The following CUL3 variants were observed in gnomAD, a reference collection of about 807,000 sequenced individuals.
CUL3 encodes cullin-3.
Under a neutral mutation model 89.1 loss-of-function variants are expected in CUL3, and 19 were observed. The ratio of observed to expected loss-of-function variants is 0.21; its 90% CI spans 0.15 to 0.31. The LOEUF (loss-of-function observed/expected upper bound fraction) is 0.31, where lower values mean the gene tolerates loss of function less well. Among genes scored for constraint, CUL3 ranks in the 10% least tolerant of loss-of-function variants. The pLI is 1.00. For missense variants in CUL3, 469 were observed against 942.3 expected, an observed-to-expected ratio of 0.50 and a Z score of 6.58; for synonymous variants, 351 against 308.4, an observed-to-expected ratio of 1.14 and a Z score of -1.45.
chr2:224,526,585 CAAAAAAAAAAAAAAAAAA>C (rs1166152595), intron 3 of CUL3, among the ~76,000 whole-genome samples: 27 of 26,170 alleles, frequency 1.0e-3, no homozygotes, highest in African/African-American at 2.3e-3. Flanking sequence ...GACTCCGTCT[CAAAAAAAAAAAAAAAAAA>C]AAAAAAAAGA....
At chr2:224,578,830 C>T (rs1341965803) in intron 1 of CUL3, among the ~76,000 whole-genome samples, 1 of 152,048 alleles carries the variant, frequency 6.6e-6, no homozygotes, top group Non-Finnish European at 1.5e-5. Flanking sequence ...ACAAAAAATT[C>T]CCTTTAAAGT....
Position 224,473,609 on chromosome 2 carries a change from C to T in CUL3, c.*636G>A, listed in dbSNP as rs1299420994. Reference sequence around the variant, plus strand: ...TAATTTGGGAAATCTCAAATTACAACAGGGAGAAACCAAATCAGGATGTGT... The same window carrying T: ...TAATTTGGGAAATCTCAAATTACAATAGGGAGAAACCAAATCAGGATGTGT... On this transcript the variant is annotated 3_prime_UTR_variant, in exon 16 of 16. Transcript: ENST00000264414. 5.4e-6 allele frequency: 1 copy of T among 186,044 alleles called. No homozygotes were observed. Among genetic ancestry groups the T allele is most frequent in the Non-Finnish European group, 1.1e-5 (1 of 87,826 alleles). 11.5% of individuals were successfully genotyped at this position (186,044 alleles called of 1,614,324 possible).
intron 13 of CUL3, among the ~76,000 whole-genome samples, chr2:224,482,857 C>T (rs16866004): frequency 0.053 from 8,011 of 152,182 alleles, 590 homozygotes; most frequent in East Asian, 0.16. Context: ...AAAGTCTTGA[C>T]ACTAGGATTT....
chr2:224,492,329 T>A (rs1026428803), intron 13 of CUL3, among the ~76,000 whole-genome samples: 8 of 152,180 alleles, frequency 5.3e-5, no homozygotes, highest in African/African-American at 1.4e-4. Context: ...TCATTTTCCT[T>A]TCTATATTGT....
chr2:224,517,770 GAAGT>G (rs1693116997), intron 3 of CUL3, among the ~76,000 whole-genome samples: 1 of 152,118 alleles, frequency 6.6e-6, no homozygotes, highest in Non-Finnish European at 1.5e-5. Flanking sequence ...AGGCATTTGT[GAAGT>G]AATCTGAATG....
chr2:224,521,399 C>T (rs1693254813), intron 3 of CUL3, among the ~76,000 whole-genome samples: 1 of 151,340 alleles, frequency 6.6e-6, no homozygotes, highest in Non-Finnish European at 1.5e-5. Context: ...CTTTTAATAA[C>T]ATGTTTGCTT....
intron 2 of CUL3, among the ~76,000 whole-genome samples, chr2:224,546,981 C>A (rs1301966698): frequency 1.3e-5 from 2 of 152,110 alleles, no homozygotes; most frequent in African/African-American, 4.8e-5. Context: ...AGTTTTCACA[C>A]CTAGCTCACA....
intron 2 of CUL3, among the ~76,000 whole-genome samples, chr2:224,539,404 G>A (rs917397901): frequency 2.0e-5 from 3 of 152,148 alleles, no homozygotes; most frequent in African/African-American, 4.8e-5. Context: ...AGTTTCTAAC[G>A]AAACCAGACA....
In CUL3 at chr2:224,529,643, A is replaced by G. The variant is rs150050991; in HGVS notation, c.378+5885T>C. Among the ~76,000 whole-genome samples, 86 of 152,150 alleles carry G rather than the reference A, an allele frequency of 5.7e-4. 1 individual carries two copies. The highest frequency in any genetic ancestry group is 2.0e-3 in the African/African-American group (82 of 41,516). On this transcript the variant is annotated intron_variant, in intron 3 of 15. Transcript: ENST00000264414. ...AAAAAAAAAAGAATGAATCAAATTAACGTATGTAAGTAAAGCAGGGATTAC... is the reference window on the plus strand; with the variant it reads ...AAAAAAAAAAGAATGAATCAAATTAGCGTATGTAAGTAAAGCAGGGATTAC...
At chr2:224,567,859 A>G (rs1385713809) in intron 1 of CUL3, among the ~76,000 whole-genome samples, 1 of 152,146 alleles carries the variant, frequency 6.6e-6, no homozygotes, top group Non-Finnish European at 1.5e-5. Context: ...GCACACCATG[A>G]CCCTGTTCAA....
At chr2:224,530,620 C>T (rs1693661908) in intron 3 of CUL3, among the ~76,000 whole-genome samples, 1 of 152,206 alleles carries the variant, frequency 6.6e-6, no homozygotes, top group South Asian at 2.1e-4. Context: ...TTAAAATGCA[C>T]TTTTGGTTGG....
chr2:224,485,060 A>C lies in CUL3; in HGVS notation c.1843-2982T>G, dbSNP rs999846775. ...GGAACTCCCTCCCCTAGCCAAGGGAAGCCCTGAGGGACTGTGCTATCTGGC... is the reference window on the plus strand; with the variant it reads ...GGAACTCCCTCCCCTAGCCAAGGGACGCCCTGAGGGACTGTGCTATCTGGC... On this transcript the variant is annotated intron_variant, in intron 13 of 15. Coordinates refer to ENST00000264414, the MANE Select transcript of CUL3 (RefSeq NM_003590.5). This position sits in a 1 kb window ranked among gnomAD's most constrained non-coding sequence, Gnocchi z 4.1. 3.9e-5 allele frequency among the ~76,000 whole-genome samples: 6 copies of C among 152,180 alleles called. No individual in the cohort carries two copies.
intron 6 of CUL3, among the ~76,000 whole-genome samples, chr2:224,509,999 C>T (rs529182087): frequency 6.6e-6 from 1 of 152,158 alleles, no homozygotes; most frequent in Admixed American, 6.5e-5. Flanking sequence ...GTAAAGAATG[C>T]TATTTAGTGA....
chr2:224,584,799 G>C (rs956597037), intron 1 of CUL3, 145 bp downstream of exon 1: 2 of 358,446 alleles, frequency 5.6e-6, no homozygotes, highest in Non-Finnish European at 7.9e-6. Flanking sequence ...CCCGGTTGCC[G>C]GGAAGGCTCG....
chr2:224,494,510 T>G (rs1379788456), intron 13 of CUL3, among the ~76,000 whole-genome samples: 2 of 152,026 alleles, frequency 1.3e-5, no homozygotes, highest in African/African-American at 2.4e-5. Context: ...GAAAAATGAC[T>G]GCACTATCAA....
Position 224,506,999 on chromosome 2 carries a change from A to G in CUL3, c.888T>C (p.Leu296=). 6.2e-7 allele frequency: 1 copy of G among 1,606,992 alleles called. No individual in the cohort carries two copies. The highest frequency in any genetic ancestry group is 2.2e-5 in the East Asian group (1 of 44,764). ...HMLKNGKTED[L]GCMYKLFSRV... is the part of the protein sequence containing the mutation. ...GACTAAATAACTTGTACATGCAACC[A>G]AGGTCTACAAATCAGAAAACACAAA... The change falls in exon 7 of 16, where the codon CTT becomes CTC. Residue 296 remains leucine (L), a synonymous_variant. Coordinates refer to ENST00000264414, the MANE Select transcript of CUL3 (RefSeq NM_003590.5).
intron 2 of CUL3, among the ~76,000 whole-genome samples, chr2:224,546,175 T>C (rs1196978369): frequency 6.6e-6 from 1 of 152,196 alleles, no homozygotes; most frequent in African/African-American, 2.4e-5. Context: ...GCTATTATTA[T>C]AGCATTAGTA....
At chr2:224,535,341 T>C (rs977988162) in intron 3 of CUL3, among the ~76,000 whole-genome samples, 187 bp downstream of exon 3, 14 of 152,146 alleles carry the variant, frequency 9.2e-5, no homozygotes, top group Admixed American at 7.9e-4. Context: ...ACCTAATTTT[T>C]GTATTTTTAG....
At chr2:224,533,615 TTAGA>T (rs1693774868) in intron 3 of CUL3, among the ~76,000 whole-genome samples, 1 of 152,216 alleles carries the variant, frequency 6.6e-6, no homozygotes, top group Admixed American at 6.5e-5. Flanking sequence ...TATCTTAATG[TTAGA>T]TAGTTAGGAT....
Sources: allele counts gnomAD v4.1 joint callset (sites outside exome capture counted in the v4.1 genomes callset), GRCh38; gene constraint gnomAD v4.1.1; non-coding constraint Gnocchi (gnomAD v3.1); transcripts MANE v1.5; gene names NCBI Gene and HGNC (gene_info 2026-07-23, HGNC 2026-07-21).